The following PTPRJ variants were observed in gnomAD, a reference collection of about 807,000 sequenced individuals.
The protein encoded by PTPRJ is receptor-type tyrosine-protein phosphatase eta.
In PTPRJ, 129 loss-of-function variants were observed where a neutral mutation model predicts 141.3. The ratio of observed to expected loss-of-function variants is 0.91; its 90% CI spans 0.79 to 1.06. PTPRJ has a LOEUF of 1.06. PTPRJ is among the 50% of genes least tolerant of loss of function. The probability of loss-of-function intolerance (pLI) is 0.00; values close to 1 mark genes in which losing one functional copy is unlikely to be tolerated. For missense variants in PTPRJ, 1,601 were observed against 1,679.7 expected, an observed-to-expected ratio of 0.95 and a Z score of 0.82; for synonymous variants, 610 against 640.5, an observed-to-expected ratio of 0.95 and a Z score of 0.72.
intron 1 of PTPRJ, among the ~76,000 whole-genome samples, chr11:48,026,946 G>T (rs895789900): frequency 2.0e-5 from 3 of 147,812 alleles, no homozygotes; most frequent in African/African-American, 7.5e-5. Context: ...TTCAAGGTTT[G>T]AAATAAGGCT....
intron 1 of PTPRJ, among the ~76,000 whole-genome samples, chr11:48,037,347 G>A (rs963020873): frequency 6.6e-6 from 1 of 152,106 alleles, no homozygotes; most frequent in Non-Finnish European, 1.5e-5. Flanking sequence ...TCAAACTGGG[G>A]AAAAGCCTCA....
intron 1 of PTPRJ, among the ~76,000 whole-genome samples, chr11:48,025,915 C>A (rs1357122280): frequency 9.1e-4 from 138 of 152,184 alleles, no homozygotes; most frequent in Non-Finnish European, 1.2e-4. Context: ...CTCTGATTTG[C>A]TCATGCTGCT....
chr11:48,057,851 C>G (rs896134260), intron 1 of PTPRJ, among the ~76,000 whole-genome samples: 1 of 152,018 alleles, frequency 6.6e-6, no homozygotes, highest in Non-Finnish European at 1.5e-5. Flanking sequence ...TTCTTCACCA[C>G]AGTTCATGAC....
intron 8 of PTPRJ, chr11:48,132,227 T>A (rs1856996464): frequency 1.0e-6 from 1 of 985,316 alleles, no homozygotes; most frequent in Admixed American, 6.2e-5. Context: ...TCTAGAAGGC[T>A]AATTGAAATT....
At chr11:47,981,324 C>T (rs1410698019) in intron 1 of PTPRJ, among the ~76,000 whole-genome samples, 2 of 152,162 alleles carry the variant, frequency 1.3e-5, no homozygotes, top group Non-Finnish European at 2.9e-5. Context: ...GCACATCTGG[C>T]GGGCACGGGC....
chr11:48,127,144 C>G (rs1856856478), intron 6 of PTPRJ, among the ~76,000 whole-genome samples: 1 of 152,152 alleles, frequency 6.6e-6, no homozygotes, highest in African/African-American at 2.4e-5. Flanking sequence ...GCCCATGTGG[C>G]AAGACCCCCC....
chr11:48,056,765 C>T (rs1386385321), intron 1 of PTPRJ, among the ~76,000 whole-genome samples: 3 of 152,078 alleles, frequency 2.0e-5, no homozygotes, highest in Non-Finnish European at 4.4e-5. Flanking sequence ...CTAGCCTGGC[C>T]AAAATGGTGA....
chr11:48,137,739 T>C (rs1469524770), intron 10 of PTPRJ, among the ~76,000 whole-genome samples: 4 of 151,204 alleles, frequency 2.6e-5, no homozygotes, highest in African/African-American at 9.7e-5. Flanking sequence ...GTGGGAGGAG[T>C]GGACCCGCAG....
At chr11:48,123,977 T>C in intron 5 of PTPRJ, 107 bp downstream of exon 5, 1 of 1,281,394 alleles carries the variant, frequency 7.8e-7, no homozygotes, top group Admixed American at 2.5e-5. Context: ...ATTTAGAATT[T>C]ATAAAGGGCT....
At chr11:48,125,617 T>C (rs943435932) in intron 6 of PTPRJ, among the ~76,000 whole-genome samples, 1 of 152,258 alleles carries the variant, frequency 6.6e-6, no homozygotes, top group Admixed American at 6.5e-5. Context: ...GAAATGCTTG[T>C]TGACATGCAC....
In PTPRJ at chr11:47,981,011, A is replaced by C; in HGVS notation, c.96+3A>C. ...TGCTGCTGCTGCGCCTGGGCCAGGT[A>C]AGCGCCGGGTGGGCTCGGGCGGGGG... On this transcript the variant is annotated splice_donor_region_variant and intron_variant, in intron 1 of 24. Coordinates refer to ENST00000418331, the MANE Select transcript of PTPRJ (RefSeq NM_002843.4). 3 of 1,183,364 alleles carry C rather than the reference A, an allele frequency of 2.5e-6. No individual in the cohort carries two copies. Among genetic ancestry groups the C allele is most frequent in the Non-Finnish European group, 3.1e-6 (3 of 957,278 alleles). 73.3% of individuals were successfully genotyped at this position (1,183,364 alleles called of 1,614,324 possible).
At chr11:48,042,759 G>GGTGTGTGTGTGT (rs757012527) in intron 1 of PTPRJ, among the ~76,000 whole-genome samples, 114 of 146,490 alleles carry the variant, frequency 7.8e-4, no homozygotes, top group African/African-American at 2.7e-3. Flanking sequence ...TGTGTGTAGG[G>GGTGTGTGTGTGT]GTGTGTGTGT....
At chr11:48,117,222 T>C (rs1253615490) in intron 3 of PTPRJ, among the ~76,000 whole-genome samples, 2 of 152,110 alleles carry the variant, frequency 1.3e-5, no homozygotes, top group African/African-American at 4.8e-5. Context: ...TCCAAGAAAG[T>C]TGACAGCAAT....
At chr11:48,077,620 C>G (rs760479151) in intron 1 of PTPRJ, among the ~76,000 whole-genome samples, 7 of 152,180 alleles carry the variant, frequency 4.6e-5, no homozygotes, top group Non-Finnish European at 1.0e-4. Context: ...TATCCTGCCA[C>G]CTGCCCACTC....
chr11:48,114,429 C>CAAA (rs71045544), intron 3 of PTPRJ, among the ~76,000 whole-genome samples: 11 of 68,734 alleles, frequency 1.6e-4, no homozygotes, highest in African/African-American at 3.9e-4. Context: ...GACTCTGTCT[C>CAAA]AAAAAAAAAA....
At chr11:47,997,468 C>T (rs542839211) in intron 1 of PTPRJ, among the ~76,000 whole-genome samples, 6 of 152,188 alleles carry the variant, frequency 3.9e-5, no homozygotes, top group Admixed American at 2.6e-4. Flanking sequence ...GGGTTCACAT[C>T]GACTCCCTTC....
intron 10 of PTPRJ, among the ~76,000 whole-genome samples, chr11:48,137,509 C>A (rs1190930351): frequency 1.3e-5 from 2 of 152,194 alleles, no homozygotes; most frequent in Non-Finnish European, 2.9e-5. Flanking sequence ...AAGTCCTTGC[C>A]TTCTTGGAAC....
At chr11:48,070,793 T>C (rs938011390) in intron 1 of PTPRJ, among the ~76,000 whole-genome samples, 4 of 152,262 alleles carry the variant, frequency 2.6e-5, no homozygotes, top group African/African-American at 9.6e-5. Context: ...TATGTATTAT[T>C]CTGTGTGGAA....
intron 1 of PTPRJ, among the ~76,000 whole-genome samples, chr11:48,067,664 GA>G (rs1443995939): frequency 1.3e-5 from 2 of 152,156 alleles, no homozygotes; most frequent in Non-Finnish European, 2.9e-5. Context: ...CAAGCAAGGA[GA>G]ATAGAAGTTC....
Sources: gnomAD v4.1 joint callset for allele counts (sites outside exome capture counted in the v4.1 genomes callset) on GRCh38, gnomAD v4.1.1 for gene constraint, MANE v1.5 for transcripts, NCBI Gene and HGNC (gene_info 2026-07-23, HGNC 2026-07-21) for gene names.